The following KIAA1328 variants were observed in gnomAD, a reference collection of about 807,000 sequenced individuals.
KIAA1328 encodes the protein KIAA1328.
In KIAA1328, 52 loss-of-function variants were observed where a neutral mutation model predicts 68.1. The observed-to-expected ratio is 0.76, with a 90% CI of 0.61 to 0.96. The LOEUF is 0.96. Ranked by LOEUF, KIAA1328 falls within the 40% of genes least tolerant of loss-of-function variation. The probability of loss-of-function intolerance (pLI) is 0.00; values close to 1 mark genes in which losing one functional copy is unlikely to be tolerated. For synonymous variants in KIAA1328, 232 were observed against 239.4 expected, an observed-to-expected ratio of 0.97 and a Z score of 0.28; for missense variants, 641 against 677.6, an observed-to-expected ratio of 0.95 and a Z score of 0.60.
chr18:37,067,351 G>C lies in KIAA1328; in HGVS notation c.1038G>C (p.Val346=). The C allele has an allele frequency of 6.2e-7, 1 of 1,613,906 alleles. No homozygotes were observed. Among genetic ancestry groups the C allele is most frequent in the Non-Finnish European group, 8.5e-7 (1 of 1,179,870 alleles). ...SYCRLSWASL[V]HGGGALQPIE... ...GTCGGCTTTCTTGGGCATCTCTGGTGCATGGTGGTGGGGCACTGCAACCCA... is the reference window on the plus strand; with the variant it reads ...GTCGGCTTTCTTGGGCATCTCTGGTCCATGGTGGTGGGGCACTGCAACCCA... Residue 346 remains valine, a synonymous_variant, in exon 7 of 10, where the codon GTG becomes GTC. Transcript: ENST00000280020.
chr18:37,148,273 C>G (rs1599428313), intron 7 of KIAA1328, among the ~76,000 whole-genome samples: 1 of 152,144 alleles, frequency 6.6e-6, no homozygotes, highest in Admixed American at 6.6e-5. Flanking sequence ...ATAATGGCTT[C>G]CAGCTCCATC....
chr18:37,117,411 A>G (rs1185686739), intron 7 of KIAA1328, among the ~76,000 whole-genome samples: 8 of 152,170 alleles, frequency 5.3e-5, no homozygotes, highest in African/African-American at 1.7e-4. Flanking sequence ...CAAACACCAC[A>G]TGTTCTCACT....
chr18:37,027,398 C>T (rs1254375876), intron 6 of KIAA1328, among the ~76,000 whole-genome samples: 1 of 152,124 alleles, frequency 6.6e-6, no homozygotes, highest in Non-Finnish European at 1.5e-5. Flanking sequence ...CAAAAAGAGC[C>T]CACATTGCCA....
intron 7 of KIAA1328, among the ~76,000 whole-genome samples, chr18:37,089,580 G>T (rs2057212257): frequency 6.6e-6 from 1 of 151,888 alleles, no homozygotes; most frequent in Admixed American, 6.6e-5. Context: ...TCACCGTGTT[G>T]GTCAGGCTGG....
intron 7 of KIAA1328, among the ~76,000 whole-genome samples, chr18:37,112,888 C>G (rs1340893085): frequency 2.6e-5 from 4 of 151,864 alleles, no homozygotes; most frequent in East Asian, 1.9e-4. Context: ...CTGATTCGAT[C>G]AAGTGGAAGA....
intron 6 of KIAA1328, among the ~76,000 whole-genome samples, chr18:37,009,026 A>T (rs572437756): frequency 6.6e-6 from 1 of 152,336 alleles, no homozygotes; most frequent in South Asian, 2.1e-4. Flanking sequence ...GGAAAAGGCA[A>T]CTTCTGCAAA....
At chr18:36,890,927 TTAAC>T (rs1246561524) in intron 5 of KIAA1328, among the ~76,000 whole-genome samples, 1 of 152,118 alleles carries the variant, frequency 6.6e-6, no homozygotes, top group Non-Finnish European at 1.5e-5. Context: ...ATATGCAAAA[TTAAC>T]TAATCAGCCT....
intron 7 of KIAA1328, among the ~76,000 whole-genome samples, chr18:37,107,714 A>G (rs892497605): frequency 6.6e-6 from 1 of 152,194 alleles, no homozygotes; most frequent in Non-Finnish European, 1.5e-5. Context: ...GGATTTGTGT[A>G]TCCTGAAACT....
chr18:36,960,986 G>T (rs1360540329), intron 6 of KIAA1328, among the ~76,000 whole-genome samples: 3 of 152,146 alleles, frequency 2.0e-5, no homozygotes, highest in Admixed American at 6.5e-5. Flanking sequence ...GACAGAAGTG[G>T]GTTTCAGAAG....
At chr18:37,229,896 A>AG (rs2060657229), downstream of KIAA1328, 2 of 154,838 alleles carry the variant, frequency 1.3e-5, no homozygotes, top group African/African-American at 4.8e-5. Context: ...AAAAAAAAAA[A>AG]AAAAAAAAGT....
chr18:36,997,833 G>A lies in KIAA1328; in HGVS notation c.576+38398G>A, dbSNP rs139652954. Among the ~76,000 whole-genome samples the A allele has an allele frequency of 3.3e-5, 5 of 152,254 alleles. No individual in the cohort carries two copies. The East Asian group carries it at 7.7e-4, about 24-fold the overall frequency. On this transcript the variant is annotated intron_variant, in intron 6 of 9. Coordinates refer to ENST00000280020, the MANE Select transcript of KIAA1328 (RefSeq NM_020776.3). Reference sequence around the variant, plus strand: ...CCATTGGGACTTGGTTGTGAGATACGGTGGGGCCTCTGCAGCTGGTACTGT... The same window carrying A: ...CCATTGGGACTTGGTTGTGAGATACAGTGGGGCCTCTGCAGCTGGTACTGT...
At chr18:36,989,785 CCCGG>C (rs1471415305) in intron 6 of KIAA1328, among the ~76,000 whole-genome samples, 1 of 152,116 alleles carries the variant, frequency 6.6e-6, no homozygotes, top group Non-Finnish European at 1.5e-5. Flanking sequence ...AGCTCCGCCC[CCCGG>C]GTTCATGCCG....
chr18:37,018,441 C>T lies in KIAA1328; in HGVS notation c.577-48449C>T, dbSNP rs182022650. On this transcript the variant is annotated intron_variant, in intron 6 of 9. Coordinates refer to ENST00000280020, the MANE Select transcript of KIAA1328 (RefSeq NM_020776.3). ...CCTTGAACCTTCTGACTATTATATA[C>T]CTTGGTGATTATTTAGTATAGTATC... is the stretch of plus-strand genomic sequence containing the variant. Among the ~76,000 whole-genome samples, 547 of 152,088 alleles carry T rather than the reference C, an allele frequency of 3.6e-3. 2 individuals are homozygous for T. Among genetic ancestry groups the T allele is most frequent in the Non-Finnish European group, 5.9e-3 (403 of 67,994 alleles).
chr18:37,155,545 G>A lies in KIAA1328; in HGVS notation c.1233-4655G>A, dbSNP rs947472212. ...CCGTTCCTACTACCGCTTCTCTATT[G>A]CAAACCTTCATCTCTCACCAGAGCT... On this transcript the variant is annotated intron_variant, in intron 7 of 9. Transcript: ENST00000280020. Among the ~76,000 whole-genome samples, 6 of 152,142 alleles carry A rather than the reference G, an allele frequency of 3.9e-5. No homozygotes were observed. In the South Asian group the frequency reaches 1.2e-3, roughly 32 times the overall value.
chr18:36,965,817 T>A (rs994598500), intron 6 of KIAA1328, among the ~76,000 whole-genome samples: 133 of 151,664 alleles, frequency 8.8e-4, no homozygotes, highest in African/African-American at 3.0e-3. Flanking sequence ...AATATATGTC[T>A]TAATTCTATC....
intron 7 of KIAA1328, among the ~76,000 whole-genome samples, chr18:37,115,576 C>T (rs1181176370): frequency 3.3e-5 from 5 of 152,190 alleles, no homozygotes; most frequent in Non-Finnish European, 7.3e-5. Flanking sequence ...TGGGCAAAAA[C>T]TGGAAGCATT....
chr18:36,883,081 C>T (rs1356216537), intron 4 of KIAA1328, among the ~76,000 whole-genome samples: 1 of 152,126 alleles, frequency 6.6e-6, no homozygotes, highest in African/African-American at 2.4e-5. Flanking sequence ...ATAAATGTTT[C>T]CATATCTACT....
chr18:37,066,463 TC>T (rs1273173150), intron 6 of KIAA1328, among the ~76,000 whole-genome samples: 1 of 152,172 alleles, frequency 6.6e-6, no homozygotes, highest in African/African-American at 2.4e-5. Flanking sequence ...ATGTTTTACA[TC>T]AAGTCTCATG....
chr18:36,938,225 A>G (rs890931846), intron 5 of KIAA1328, among the ~76,000 whole-genome samples: 2 of 152,182 alleles, frequency 1.3e-5, no homozygotes, highest in Non-Finnish European at 1.5e-5. Flanking sequence ...AGAACAGTTC[A>G]CACAGGATCC....
Sources: gnomAD v4.1 joint callset for allele counts (sites outside exome capture counted in the v4.1 genomes callset) on GRCh38, gnomAD v4.1.1 for gene constraint, MANE v1.5 for transcripts, NCBI Gene and HGNC (gene_info 2026-07-23, HGNC 2026-07-21) for gene names.